PPP1R1C: variants seen among roughly 807,000 people sequenced by gnomAD.
The protein encoded by PPP1R1C is protein phosphatase 1 regulatory subunit 1C.
A neutral mutation model predicts 17.4 loss-of-function variants in PPP1R1C; 15 were observed. The ratio of observed to expected loss-of-function variants is 0.86; its 90% CI spans 0.58 to 1.33. PPP1R1C has a LOEUF of 1.33. Among genes scored for constraint, PPP1R1C ranks in the 40% most tolerant of loss-of-function variants. The pLI, the probability that PPP1R1C is intolerant of heterozygous loss-of-function variation, is 0.00. For missense variants in PPP1R1C, 143 were observed against 130.0 expected (o/e 1.10, Z -0.48); for synonymous variants, 35 against 43.1 (o/e 0.81, Z 0.73).
intron 4 of PPP1R1C, among the ~76,000 whole-genome samples, chr2:182,082,431 C>A (rs929856306): frequency 2.0e-5 from 3 of 151,986 alleles, no homozygotes; most frequent in Non-Finnish European, 4.4e-5. Context: ...ACGTGTCTGG[C>A]ATAAAATCAA....
intron 4 of PPP1R1C, among the ~76,000 whole-genome samples, chr2:182,086,196 T>C (rs1688623863): frequency 6.6e-6 from 1 of 152,144 alleles, no homozygotes; most frequent in Non-Finnish European, 1.5e-5. Context: ...ATCATCATTA[T>C]ATCAAGAGCT....
At chr2:181,997,140 A>G (rs1490181194) in intron 2 of PPP1R1C, among the ~76,000 whole-genome samples, 5 of 151,992 alleles carry the variant, frequency 3.3e-5, no homozygotes, top group Non-Finnish European at 7.4e-5. Flanking sequence ...GAGGCAGGAG[A>G]AAGGCGTGAA....
intron 4 of PPP1R1C, chr2:182,103,549 G>C (rs1466868721): frequency 6.6e-6 from 1 of 152,162 alleles, no homozygotes; most frequent in Non-Finnish European, 1.5e-5. Flanking sequence ...AAGAAAGTAG[G>C]TCAGCGAGCC....
upstream of PPP1R1C, among the ~76,000 whole-genome samples, chr2:181,980,967 C>A (rs1205060232): frequency 7.1e-6 from 1 of 140,786 alleles, no homozygotes; most frequent in Non-Finnish European, 1.5e-5. Context: ...CTCGCTCTGT[C>A]GCCCAGGCTG....
intron 2 of PPP1R1C, among the ~76,000 whole-genome samples, chr2:182,037,750 ATTT>A (rs1687056152): frequency 2.0e-5 from 3 of 152,190 alleles, no homozygotes; most frequent in African/African-American, 7.2e-5. Flanking sequence ...TGAACTGTTA[ATTT>A]CACCTGAATT....
At chr2:181,994,687 A>G (rs1055376866) in intron 2 of PPP1R1C, among the ~76,000 whole-genome samples, 1 of 152,102 alleles carries the variant, frequency 6.6e-6, no homozygotes, top group Admixed American at 6.5e-5. Context: ...ATTCAATTCA[A>G]TTTATTGAGT....
chr2:182,003,846 C>A, intron 2 of PPP1R1C, among the ~76,000 whole-genome samples: 1 of 152,124 alleles, frequency 6.6e-6, no homozygotes, highest in East Asian at 1.9e-4. Flanking sequence ...TAGATTGTTT[C>A]ATAAACAAAT....
chr2:182,063,898 G>T (rs891136908), intron 4 of PPP1R1C, 107 bp downstream of exon 4: 2 of 846,010 alleles, frequency 2.4e-6, no homozygotes. Flanking sequence ...TCTAGTCTCA[G>T]CTCTACAACT....
At chr2:182,011,359 T>C (rs1686084486) in intron 2 of PPP1R1C, among the ~76,000 whole-genome samples, 1 of 152,136 alleles carries the variant, frequency 6.6e-6, no homozygotes, top group South Asian at 2.1e-4. Context: ...TGTATGTGTC[T>C]AGGAATTTAT....
chr2:182,082,209 A>G lies in PPP1R1C; in HGVS notation c.241+18418A>G, dbSNP rs146923125. On this transcript the variant is annotated intron_variant, in intron 4 of 4. Coordinates refer to ENST00000682840, the MANE Select transcript of PPP1R1C (RefSeq NM_001080545.3). ...TTCACCCATGCAAAGAATAGAAACA[A>G]ACTCATAAAGCAACAGATGAATGCA... Among the ~76,000 whole-genome samples the G allele has an allele frequency of 2.3e-3, 355 of 152,318 alleles. 1 individual carries two copies. Among genetic ancestry groups the G allele is most frequent in the African/African-American group, 7.6e-3 (317 of 41,572 alleles).
intron 2 of PPP1R1C, among the ~76,000 whole-genome samples, chr2:182,033,689 A>G (rs1686913720): frequency 6.6e-6 from 1 of 152,088 alleles, no homozygotes; most frequent in Non-Finnish European, 1.5e-5. Context: ...CTCTTTTCCA[A>G]CAGTCATATT....
chr2:182,074,111 G>T (rs1027649185), intron 4 of PPP1R1C, among the ~76,000 whole-genome samples: 1 of 148,848 alleles, frequency 6.7e-6, no homozygotes, highest in African/African-American at 2.5e-5. Context: ...GCGCGATCTC[G>T]GCTCACTGCA....
chr2:182,063,835 A>C (rs755460601), intron 4 of PPP1R1C, 44 bp downstream of exon 4: 1 of 1,472,136 alleles, frequency 6.8e-7, no homozygotes, highest in Non-Finnish European at 9.5e-7. Context: ...GTGGTGAATC[A>C]TGGCTGGTCG....
intron 2 of PPP1R1C, among the ~76,000 whole-genome samples, chr2:182,046,332 C>T (rs1199074630): frequency 6.6e-6 from 1 of 152,122 alleles, no homozygotes; most frequent in Non-Finnish European, 1.5e-5. Context: ...TACCCCATCC[C>T]TAGTAACCAC....
At chr2:182,119,989 T>C (rs908681245), downstream of PPP1R1C, among the ~76,000 whole-genome samples, 2 of 152,228 alleles carry the variant, frequency 1.3e-5, no homozygotes, top group African/African-American at 4.8e-5. Context: ...CCCATGCCTA[T>C]GTCCTGAATG....
At chr2:181,973,126 T>C (rs1685040602) in intron 1 of PPP1R1C, among the ~76,000 whole-genome samples, 1 of 152,084 alleles carries the variant, frequency 6.6e-6, no homozygotes, top group South Asian at 2.1e-4. Context: ...ATAAATATGA[T>C]CAGTAAGCAT....
rs542774842 is a variant in PPP1R1C at position 182,090,780 on chromosome 2, A to G, written c.242-26427A>G. Reference sequence around the variant, plus strand: ...TTCCAAAACATCTAAAGTTTCAAACAAAAACTTTTAAAAAGCCTTTTCAAA... The same window carrying G: ...TTCCAAAACATCTAAAGTTTCAAACGAAAACTTTTAAAAAGCCTTTTCAAA... On this transcript the variant is annotated intron_variant, in intron 4 of 4. Coordinates refer to ENST00000682840, the MANE Select transcript of PPP1R1C (RefSeq NM_001080545.3). 3.9e-5 allele frequency among the ~76,000 whole-genome samples: 6 copies of G among 152,358 alleles called. No homozygotes were observed. In the South Asian group the frequency reaches 1.2e-3, roughly 32 times the overall value.
intron 2 of PPP1R1C, among the ~76,000 whole-genome samples, chr2:181,992,591 C>T (rs1685502209): frequency 7.4e-6 from 1 of 134,546 alleles, no homozygotes; most frequent in African/African-American, 2.8e-5. Context: ...TGTATGAGGC[C>T]TGGAGATAAG....
intron 2 of PPP1R1C, among the ~76,000 whole-genome samples, chr2:182,009,185 G>T (rs915506840): frequency 6.6e-6 from 1 of 151,864 alleles, no homozygotes; most frequent in East Asian, 1.9e-4. Context: ...TCTATTTTTA[G>T]TTTTTTTCAG....
Sources: gnomAD v4.1 joint callset for allele counts (sites outside exome capture counted in the v4.1 genomes callset) on GRCh38, gnomAD v4.1.1 for gene constraint, MANE v1.5 for transcripts, NCBI Gene and HGNC (gene_info 2026-07-23, HGNC 2026-07-21) for gene names.